Variants in MIS18BP1 observed in about 807,000 individuals in gnomAD.
MIS18BP1 encodes the protein MIS18 binding protein 1.
Under a neutral mutation model 116.1 loss-of-function variants are expected in MIS18BP1, and 72 were observed. That is an observed-to-expected ratio of 0.62 (90% confidence interval 0.51 to 0.75). The LOEUF (loss-of-function observed/expected upper bound fraction) is 0.75. Ranked by LOEUF, MIS18BP1 falls within the 30% of genes least tolerant of loss-of-function variation. The pLI, the probability that MIS18BP1 is intolerant of heterozygous loss-of-function variation, is 0.00. For missense variants in MIS18BP1, 1,363 were observed against 1,303.2 expected (o/e 1.05, Z -0.71); for synonymous variants, 386 against 427.0 (o/e 0.90, Z 1.18).
chr14:45,224,481 T>A lies in MIS18BP1; in HGVS notation c.2106A>T (p.Thr702=). The part of the protein sequence containing the change: ...ISKSMGTLEN[T]FEGHKSKNKE... Reference sequence around the variant, plus strand: ...TGTTTTTACTTTTATGACCTTCAAATGTATTTTCTAAAGTCCCCATGGACT... The same window carrying A: ...TGTTTTTACTTTTATGACCTTCAAAAGTATTTTCTAAAGTCCCCATGGACT... The change falls in exon 11 of 17, where the codon ACA becomes ACT. Residue 702 remains threonine (T), a synonymous_variant. Coordinates refer to ENST00000310806, the MANE Select transcript of MIS18BP1 (RefSeq NM_018353.5). 2 of 1,613,910 alleles carry A rather than the reference T, an allele frequency of 1.2e-6. No homozygotes were observed. Among genetic ancestry groups the A allele is most frequent in the Non-Finnish European group, 1.7e-6 (2 of 1,179,952 alleles).
intron 13 of MIS18BP1, among the ~76,000 whole-genome samples, chr14:45,213,052 T>TA (rs1457245177): frequency 2.6e-5 from 4 of 152,216 alleles, no homozygotes; most frequent in African/African-American, 9.7e-5. Flanking sequence ...ATTCTCTTTT[T>TA]AAAAAATTTT....
chr14:45,219,800 T>A (rs989392427), intron 11 of MIS18BP1, among the ~76,000 whole-genome samples: 1 of 152,232 alleles, frequency 6.6e-6, no homozygotes, highest in Non-Finnish European at 1.5e-5. Flanking sequence ...CTTCTCTATT[T>A]GTGTGTGTGG....
intron 10 of MIS18BP1, among the ~76,000 whole-genome samples, chr14:45,226,474 T>G (rs558868654): frequency 1.3e-5 from 2 of 152,344 alleles, no homozygotes; most frequent in Admixed American, 1.3e-4. Context: ...CCTGTAAGCA[T>G]ATGTTAAATG....
intron 14 of MIS18BP1, among the ~76,000 whole-genome samples, chr14:45,207,242 C>A (rs1890542683): frequency 6.6e-6 from 1 of 152,190 alleles, no homozygotes; most frequent in Non-Finnish European, 1.5e-5. Flanking sequence ...CCTGAGTATC[C>A]TCTGTTCTTT....
intron 13 of MIS18BP1, among the ~76,000 whole-genome samples, chr14:45,214,604 TTGTCTC>T (rs1230321835): frequency 2.0e-5 from 3 of 152,178 alleles, no homozygotes. Flanking sequence ...TCTCTATACT[TTGTCTC>T]TGTGTCTCTT....
chr14:45,218,531 AT>A (rs1293832460), intron 11 of MIS18BP1, 77 bp from the exon 12 acceptor site: 9 of 1,290,382 alleles, frequency 7.0e-6, no homozygotes, highest in Non-Finnish European at 9.4e-6. Context: ...ATAACACTGA[AT>A]TGATGAGATT....
In MIS18BP1 at chr14:45,227,673, A is replaced by T. The variant is rs1363275177; in HGVS notation, c.1736T>A (p.Leu579Ter). ...NTIQNGGGDD[L>*]SNQELIGKKE... ...ACAATAAAGCCTTACCTGATTAGAT[A>T]AGTCATCTCCTCCTCCATTTTGAAT... The change falls in exon 9 of 17, where the codon TTA (leucine) becomes TAA (stop). Residue 579 changes from leucine to a stop codon, truncating the protein, a stop_gained. Transcript: ENST00000310806. LOFTEE classifies it high-confidence loss of function. 2.5e-6 allele frequency: 4 copies of T among 1,612,652 alleles called. No homozygotes were observed. Among genetic ancestry groups the T allele is most frequent in the Non-Finnish European group, 3.4e-6 (4 of 1,178,700 alleles).
chr14:45,220,610 GGCT>G (rs997154203), intron 11 of MIS18BP1, among the ~76,000 whole-genome samples: 14 of 152,130 alleles, frequency 9.2e-5, no homozygotes, highest in African/African-American at 3.1e-4. Flanking sequence ...CCTTTGAGTT[GGCT>G]TTTTTCACTC....
At chr14:45,232,505 G>T in intron 7 of MIS18BP1, 57 of 371,736 alleles carry the variant, frequency 1.5e-4, no homozygotes, top group East Asian at 4.4e-4. Flanking sequence ...AATGTAAATT[G>T]TACCTCAGGC....
chr14:45,251,534 T>C (rs1000016330), intron 1 of MIS18BP1, among the ~76,000 whole-genome samples: 1 of 152,144 alleles, frequency 6.6e-6, no homozygotes. Context: ...ACTATTACTA[T>C]GGAATGGGTC....
At chr14:45,220,154 C>T (rs1224604243) in intron 11 of MIS18BP1, among the ~76,000 whole-genome samples, 1 of 151,856 alleles carries the variant, frequency 6.6e-6, no homozygotes, top group Admixed American at 6.6e-5. Context: ...GCAGGAGTGC[C>T]GGGCATTATC....
At chr14:45,237,604 ATAAC>A (rs1891464025) in intron 5 of MIS18BP1, 40 bp downstream of exon 5, 2 of 1,573,986 alleles carry the variant, frequency 1.3e-6, no homozygotes, top group Non-Finnish European at 1.7e-6. Context: ...GTGCTTACAC[ATAAC>A]TAAAGTTTTA....
chr14:45,208,578 G>A (rs1216026259), intron 14 of MIS18BP1, among the ~76,000 whole-genome samples: 3 of 151,812 alleles, frequency 2.0e-5, no homozygotes, highest in African/African-American at 2.4e-5. Flanking sequence ...GTGATCCGTC[G>A]GCCTCAGCCT....
At chr14:45,226,083 T>G (rs1391993503) in intron 10 of MIS18BP1, among the ~76,000 whole-genome samples, 1 of 152,214 alleles carries the variant, frequency 6.6e-6, no homozygotes, top group Non-Finnish European at 1.5e-5. Flanking sequence ...AATTTGAAAA[T>G]TTTCAACATT....
chr14:45,207,837 C>G (rs1487013562), intron 14 of MIS18BP1, among the ~76,000 whole-genome samples: 5 of 151,980 alleles, frequency 3.3e-5, no homozygotes, highest in Non-Finnish European at 1.5e-5. Context: ...AGTGAAGAAG[C>G]CTAAGAAAAT....
In MIS18BP1 at chr14:45,227,794, T is replaced by A; in HGVS notation, c.1615A>T (p.Ser539Cys). ...DNLELKSNKH[S>C]ESPGATELNM... ...AATTCTGTAGCTCCTGGTGACTCAC[T>A]GTGCTTATTACTCTTCAGTTCTATG... is the stretch of plus-strand genomic sequence containing the variant. The change falls in exon 9 of 17, where the codon AGT becomes TGT. Residue 539 changes from serine to cysteine, a missense_variant. Transcript: ENST00000310806. 1 of 1,614,028 alleles carries A rather than the reference T, an allele frequency of 6.2e-7. No individual in the cohort carries two copies. The highest frequency in any genetic ancestry group is 8.5e-7 in the Non-Finnish European group (1 of 1,179,898).
At chr14:45,232,683 A>C (rs1891321454) in intron 7 of MIS18BP1, 50 bp downstream of exon 7, 1 of 1,034,032 alleles carries the variant, frequency 9.7e-7, no homozygotes. Flanking sequence ...ATTAAATGTA[A>C]ATTATATCTC....
chr14:45,209,150 A>G (rs368495151), intron 14 of MIS18BP1, among the ~76,000 whole-genome samples: 1 of 151,534 alleles, frequency 6.6e-6, no homozygotes, highest in Admixed American at 6.6e-5. Context: ...TTTTATAAAG[A>G]CTTAATCTAA....
At chr14:45,210,276 A>T in intron 14 of MIS18BP1, 104 bp downstream of exon 14, 1 of 1,176,700 alleles carries the variant, frequency 8.5e-7, no homozygotes, top group Non-Finnish European at 1.2e-6. Context: ...TTTTTTAAAT[A>T]ATGCCTCTTC....
Sources: gnomAD v4.1 joint callset for allele counts (sites outside exome capture counted in the v4.1 genomes callset) on GRCh38, gnomAD v4.1.1 for gene constraint, MANE v1.5 for transcripts, NCBI Gene and HGNC (gene_info 2026-07-23, HGNC 2026-07-21) for gene names.